DAB2IP: variants seen among roughly 807,000 people sequenced by gnomAD.
DAB2IP encodes the protein DAB2 interacting protein.
A neutral mutation model predicts 107.2 loss-of-function variants in DAB2IP; 28 were observed. That is an observed-to-expected ratio of 0.26 (90% CI 0.19 to 0.36). The LOEUF (loss-of-function observed/expected upper bound fraction) is 0.36, where lower values mean the gene tolerates loss of function less well. Ranked by LOEUF, DAB2IP falls within the 10% of genes least tolerant of loss-of-function variation. The probability of loss-of-function intolerance (pLI) is 1.00; values close to 1 mark genes in which losing one functional copy is unlikely to be tolerated. For missense variants in DAB2IP, 1,400 were observed against 1,644.7 expected (o/e 0.85, Z 2.57); for synonymous variants, 755 against 706.4 (o/e 1.07, Z -1.09).
chr9:121,767,574 G>A (rs1169021561), intron 9 of DAB2IP, among the ~76,000 whole-genome samples: 4 of 152,204 alleles, frequency 2.6e-5, no homozygotes, highest in Non-Finnish European at 5.9e-5. Context: ...CAGGAGAAGC[G>A]GGCGATGAGA....
chr9:121,650,293 C>A (rs531429548), upstream of DAB2IP, among the ~76,000 whole-genome samples: 1 of 152,204 alleles, frequency 6.6e-6, no homozygotes, highest in Admixed American at 6.5e-5. Context: ...GCCCCTCCCC[C>A]CTGGTCAGGG....
Position 121,774,440 on chromosome 9 carries a change from C to T in DAB2IP, c.3120+28C>T, listed in dbSNP as rs140036188. ...AAAACTGGACCCTGGCGGCTCGGGA[C>T]AGGGCGGGGCTGCCTCCCGGCAGCA... On this transcript the variant is annotated intron_variant, in intron 13 of 15. Coordinates refer to ENST00000408936, the Ensembl canonical transcript of DAB2IP. 317 of 1,566,194 alleles carry T rather than the reference C, an allele frequency of 2.0e-4. 2 individuals are homozygous for T. In the African/African-American group the frequency reaches 4.0e-3, roughly 20 times the overall value.
intron 1 of DAB2IP, among the ~76,000 whole-genome samples, chr9:121,568,126 A>C (rs1442836156): frequency 6.6e-6 from 1 of 152,202 alleles, no homozygotes; most frequent in African/African-American, 2.4e-5. Flanking sequence ...CCAGGGGTTC[A>C]GGTCCTCCTG....
chr9:121,700,418 C>G (rs762801772), intron 3 of DAB2IP, among the ~76,000 whole-genome samples: 1 of 152,188 alleles, frequency 6.6e-6, no homozygotes, highest in Non-Finnish European at 1.5e-5. Context: ...GTGATGGATT[C>G]CAGTGCCAGT....
chr9:121,720,449 TC>T (rs1830860779), intron 3 of DAB2IP, among the ~76,000 whole-genome samples: 4 of 152,324 alleles, frequency 2.6e-5, no homozygotes, highest in Admixed American at 2.6e-4. Flanking sequence ...ACAGAGCTCC[TC>T]CCAGTCCCCT....
At chr9:121,730,487 T>C (rs999176709) in intron 3 of DAB2IP, among the ~76,000 whole-genome samples, 1 of 152,200 alleles carries the variant, frequency 6.6e-6, no homozygotes, top group Non-Finnish European at 1.5e-5. Context: ...GAATAGAACC[T>C]ATCACCCTCT....
At chr9:121,641,971 TC>T (rs1832330066) in intron 1 of DAB2IP, among the ~76,000 whole-genome samples, 3 of 124,744 alleles carry the variant, frequency 2.4e-5, no homozygotes, top group Admixed American at 1.7e-4. Context: ...TCTCTCTCTC[TC>T]TTTCTTTCTT....
upstream of DAB2IP, among the ~76,000 whole-genome samples, chr9:121,648,287 G>A (rs1832610570): frequency 6.6e-6 from 1 of 152,142 alleles, no homozygotes; most frequent in African/African-American, 2.4e-5. Flanking sequence ...AAAAAACTGA[G>A]GGGATGCTTG....
rs1197838462 is a variant in DAB2IP, at chr9:121,699,499, C to G, written c.362+41C>G. ...CCGCCCGGTCCCCCGCGCCGCCGCC[C>G]CGGGCTGCGCCCCTGAGGACGCGGG... On this transcript the variant is annotated intron_variant, in intron 3 of 15. Coordinates refer to ENST00000408936, the Ensembl canonical transcript of DAB2IP. The surrounding 1 kb of genome is among the most constrained non-coding windows in gnomAD (Gnocchi z 6.2). 2.4e-6 allele frequency: 3 copies of G among 1,234,904 alleles called. No homozygotes were observed. Among genetic ancestry groups the G allele is most frequent in the Non-Finnish European group, 3.0e-6 (3 of 986,438 alleles). The allele number at this position is 1,234,904 out of a possible 1,614,324, so 76.5% of individuals were successfully genotyped here. A position where few individuals can be genotyped will look rare whatever the true frequency, so the allele number is the denominator to read the frequency against.
At position 121,772,907 on chromosome 9, in the gene DAB2IP, C is replaced by A. The variant is rs1364098745; in HGVS notation, c.2379C>A (p.Asn793Lys). The change falls in exon 12 of 16, where the codon AAC becomes AAA. Residue 793 changes from asparagine (N) to lysine (K), a missense_variant. Coordinates refer to ENST00000408936, the Ensembl canonical transcript of DAB2IP. This position sits in a 1 kb window ranked among gnomAD's most constrained non-coding sequence, Gnocchi z 4.7. ...GGCCGGCCCGGGCAACCCCAGTGAA[C>A]CTGGCAGGGCTGGCCACGGTGCGGC... is the stretch of plus-strand genomic sequence containing the variant. 3 of 1,568,208 alleles carry A rather than the reference C, an allele frequency of 1.9e-6. No homozygotes were observed. Among genetic ancestry groups the A allele is most frequent in the Non-Finnish European group, 2.6e-6 (3 of 1,161,322 alleles).
intron 1 of DAB2IP, among the ~76,000 whole-genome samples, chr9:121,642,139 G>A (rs1832377746): frequency 6.7e-6 from 1 of 148,484 alleles, no homozygotes; most frequent in African/African-American, 2.5e-5. Context: ...GGAGTAGAGT[G>A]ACACGATCAT....
chr9:121,717,513 A>G (rs553220030), intron 3 of DAB2IP, among the ~76,000 whole-genome samples: 4 of 152,210 alleles, frequency 2.6e-5, no homozygotes, highest in South Asian at 2.1e-4. Context: ...CGGGTCACAC[A>G]CTTGTTTATC....
chr9:121,777,636 C>G (rs1367643629), intron 14 of DAB2IP, among the ~76,000 whole-genome samples: 2 of 152,210 alleles, frequency 1.3e-5, no homozygotes, highest in Non-Finnish European at 1.5e-5. Flanking sequence ...AGATAGTGTT[C>G]AAGTATTCCA....
intron 1 of DAB2IP, among the ~76,000 whole-genome samples, chr9:121,641,489 A>G (rs1023479231): frequency 1.3e-5 from 2 of 152,126 alleles, no homozygotes; most frequent in African/African-American, 2.4e-5. Flanking sequence ...ATGGCCTTGA[A>G]CACCCACCCA....
chr9:121,645,374 G>A (rs1433585226), intron 1 of DAB2IP, among the ~76,000 whole-genome samples: 2 of 152,180 alleles, frequency 1.3e-5, no homozygotes, highest in African/African-American at 4.8e-5. Flanking sequence ...TCAACTTCAG[G>A]GCAGCCAGTA....
chr9:121,774,358 C>T (rs1268830866), exon 13 of DAB2IP: 2 of 1,609,588 alleles, frequency 1.2e-6, no homozygotes, highest in Non-Finnish European at 1.7e-6. Flanking sequence ...TGGGCCCAGA[C>T]CCCCCCCACA....
rs143137019 is a variant in DAB2IP, at chr9:121,712,997, C to T, written c.362+13539C>T. Among the ~76,000 whole-genome samples the T allele has an allele frequency of 1.2e-3, 178 of 152,308 alleles. 1 individual carries two copies. The highest frequency in any genetic ancestry group is 7.5e-3 in the East Asian group (39 of 5,186). ...GGGAGCTCTTTCCACCTGGAGCGGC[C>T]CCTGCCCTTGGAGGACAGTGCCAAC... On this transcript the variant is annotated intron_variant, in intron 3 of 15. Coordinates refer to ENST00000408936, the Ensembl canonical transcript of DAB2IP.
intron 1 of DAB2IP, among the ~76,000 whole-genome samples, chr9:121,613,078 A>T (rs939245553): frequency 2.6e-5 from 4 of 152,236 alleles, no homozygotes; most frequent in African/African-American, 9.6e-5. Context: ...TGGAAGGAGA[A>T]GATGCAGGTT....
rs771438744 is a variant in DAB2IP, at chr9:121,699,280, C to G, written c.229-45C>G. On this transcript the variant is annotated intron_variant, in intron 2 of 15. Transcript: ENST00000408936. The surrounding 1 kb of genome is among the most constrained non-coding windows in gnomAD (Gnocchi z 6.2). ...CGCGGGTCCCGGCCCGCCGCCGCCG[C>G]GCTAACCCCGCCTCCCCTTCCCCCT... is the stretch of plus-strand genomic sequence containing the variant. 8.3e-6 allele frequency: 11 copies of G among 1,326,834 alleles called. No homozygotes were observed. In the South Asian group the frequency reaches 1.6e-4, roughly 19 times the overall value. 82.2% of individuals were successfully genotyped at this position (1,326,834 alleles called of 1,614,324 possible). A position where few individuals can be genotyped will look rare whatever the true frequency, so the allele number is the denominator to read the frequency against.
Sources: gnomAD v4.1 joint callset for allele counts (sites outside exome capture counted in the v4.1 genomes callset) on GRCh38, gnomAD v4.1.1 for gene constraint, Gnocchi (gnomAD v3.1) non-coding constraint, MANE v1.5 for transcripts, NCBI Gene and HGNC (gene_info 2026-07-23, HGNC 2026-07-21) for gene names.